Variants in KAT6B observed in about 807,000 individuals in gnomAD.
KAT6B encodes histone acetyltransferase KAT6B.
In KAT6B, 10 loss-of-function variants were observed where a neutral mutation model predicts 187.5. The observed-to-expected ratio is 0.05, with a 90% CI of 0.03 to 0.09. The LOEUF is 0.09. Ranked by LOEUF, KAT6B falls within the 10% of genes least tolerant of loss-of-function variation. KAT6B has a pLI of 1.00. For missense variants in KAT6B, 1,952 were observed against 2,558.9 expected (o/e 0.76, Z 5.12); for synonymous variants, 861 against 926.8 (o/e 0.93, Z 1.29).
At chr10:74,949,284 A>G (rs1840153892) in intron 3 of KAT6B, among the ~76,000 whole-genome samples, 1 of 152,186 alleles carries the variant, frequency 6.6e-6, no homozygotes, top group Non-Finnish European at 1.5e-5. Context: ...TGCAGTTTCT[A>G]ATGGCAGAAG....
chr10:74,912,375 G>GGATAGCTA (rs1554825629), intron 3 of KAT6B, among the ~76,000 whole-genome samples: 3 of 145,526 alleles, frequency 2.1e-5, no homozygotes, highest in Non-Finnish European at 4.5e-5. Flanking sequence ...ATGGATGGAT[G>GGATAGCTA]GATAGATAGA....
chr10:74,957,551 C>T (rs1043527946), intron 3 of KAT6B, among the ~76,000 whole-genome samples: 2 of 152,140 alleles, frequency 1.3e-5, no homozygotes, highest in African/African-American at 4.8e-5. Flanking sequence ...TCTCTCACAG[C>T]TAAAAATTCA....
At chr10:74,872,976 C>T (rs970086423) in intron 3 of KAT6B, among the ~76,000 whole-genome samples, 5 of 152,086 alleles carry the variant, frequency 3.3e-5, no homozygotes, top group Admixed American at 1.3e-4. Flanking sequence ...TGTCCTAAGT[C>T]TGATAATACA....
chr10:74,969,473 G>C (rs1289191418), intron 4 of KAT6B, among the ~76,000 whole-genome samples, 187 bp from the exon 5 acceptor site: 1 of 152,176 alleles, frequency 6.6e-6, no homozygotes, highest in Admixed American at 6.5e-5. Flanking sequence ...TACATACAGG[G>C]AAAGAAGGCA....
chr10:74,864,561 A>T (rs1012754932), intron 3 of KAT6B, among the ~76,000 whole-genome samples: 2 of 151,910 alleles, frequency 1.3e-5, no homozygotes, highest in African/African-American at 4.8e-5. Flanking sequence ...ATATATTTGG[A>T]GACAGGGTCT....
chr10:74,914,484 C>G (rs1199659734), intron 3 of KAT6B, among the ~76,000 whole-genome samples: 2 of 152,086 alleles, frequency 1.3e-5, no homozygotes, highest in African/African-American at 4.8e-5. Flanking sequence ...CGATGTTTAT[C>G]ACATTTAATT....
chr10:75,007,157 C>A (rs917783982), intron 13 of KAT6B, among the ~76,000 whole-genome samples: 1 of 151,656 alleles, frequency 6.6e-6, no homozygotes, highest in African/African-American at 2.4e-5. Context: ...TGGATCTAGA[C>A]AATGAACAAC....
In KAT6B at chr10:74,862,489, T is replaced by C. The variant is rs147853873; in HGVS notation, c.621+19011T>C. Among the ~76,000 whole-genome samples, 788 of 152,236 alleles carry C rather than the reference T, an allele frequency of 5.2e-3. 4 individuals carry two copies. Among genetic ancestry groups the C allele is most frequent in the Middle Eastern group, 0.014 (4 of 294 alleles). On this transcript the variant is annotated intron_variant, in intron 3 of 17. Transcript: ENST00000287239. ...CCTCCATGCTGCTTAAATAAAAATGTTGGAGTGGGAGTCAGGCATTAGAAC... is the reference window on the plus strand; with the variant it reads ...CCTCCATGCTGCTTAAATAAAAATGCTGGAGTGGGAGTCAGGCATTAGAAC...
At chr10:75,014,040 A>T (rs533458099) in intron 13 of KAT6B, among the ~76,000 whole-genome samples, 1 of 152,366 alleles carries the variant, frequency 6.6e-6, no homozygotes, top group East Asian at 1.9e-4. Flanking sequence ...CAGGGAGTCT[A>T]CAAGGTCATA....
Position 75,021,111 on chromosome 10 carries a change from C to T in KAT6B, c.2862-15C>T. The T allele has an allele frequency of 6.2e-7, 1 of 1,612,634 alleles. No homozygotes were observed. Among genetic ancestry groups the T allele is most frequent in the Middle Eastern group, 1.7e-4 (1 of 6,058 alleles). On this transcript the variant is annotated splice_polypyrimidine_tract_variant and intron_variant, in intron 14 of 17. Coordinates refer to ENST00000287239, the MANE Select transcript of KAT6B (RefSeq NM_012330.4). ...AGCTTGTGATTACATCTTGTTCTGC[C>T]TTATCACATTACAGATTTGTCATCA...
intron 3 of KAT6B, among the ~76,000 whole-genome samples, chr10:74,927,765 T>C (rs1848607281): frequency 6.6e-6 from 1 of 152,120 alleles, no homozygotes; most frequent in Non-Finnish European, 1.5e-5. Flanking sequence ...AAACTGGCAA[T>C]TTCCTCAGTG....
At chr10:74,841,364 GAGACC>G (rs887559577) in intron 2 of KAT6B, among the ~76,000 whole-genome samples, 4 of 152,236 alleles carry the variant, frequency 2.6e-5, no homozygotes, top group African/African-American at 9.6e-5. Context: ...TCAGGAGTTT[GAGACC>G]AGCCTGGCCA....
intron 3 of KAT6B, among the ~76,000 whole-genome samples, chr10:74,863,291 CTGT>C (rs1409866813): frequency 5.3e-5 from 8 of 152,200 alleles, no homozygotes; most frequent in African/African-American, 1.4e-4. Flanking sequence ...AATTTAAAAT[CTGT>C]TGTGAGCCTT....
rs748567200 is a variant in KAT6B, at chr10:74,994,406, A to T, written c.2629+5294A>T. Among the ~76,000 whole-genome samples, 56 of 152,104 alleles carry T rather than the reference A, an allele frequency of 3.7e-4. 1 individual carries two copies. The highest frequency in any genetic ancestry group is 6.8e-3 in the Middle Eastern group (2 of 294). ...TGCCACAGCATGATGTTCCAGGTTT[A>T]GCTTATCCTTTTCTTAAGCCAGCCC... On this transcript the variant is annotated intron_variant, in intron 13 of 17. Transcript: ENST00000287239.
chr10:74,976,855 C>T lies in KAT6B; in HGVS notation c.1994-461C>T, dbSNP rs147024706. 831 of 272,166 alleles carry T rather than the reference C, an allele frequency of 3.1e-3. 4 individuals carry two copies. The highest frequency in any genetic ancestry group is 4.3e-3 in the Non-Finnish European group (606 of 141,340). 16.9% of individuals were successfully genotyped at this position (272,166 alleles called of 1,614,324 possible). ...GATGTGAGTGTGTCTGTGTGTGTAT[C>T]CACCTTAGGGAGAAAACGGATTTCA... On this transcript the variant is annotated intron_variant, in intron 8 of 17. Transcript: ENST00000287239.
chr10:74,897,048 A>G (rs1291681393), intron 3 of KAT6B, among the ~76,000 whole-genome samples: 2 of 152,174 alleles, frequency 1.3e-5, no homozygotes, highest in East Asian at 1.9e-4. Context: ...ACTTGATTAT[A>G]TTGTTCAAGT....
At chr10:74,889,948 C>A (rs1214608984) in intron 3 of KAT6B, among the ~76,000 whole-genome samples, 1 of 152,074 alleles carries the variant, frequency 6.6e-6, no homozygotes, top group African/African-American at 2.4e-5. Context: ...TAGCTCATTG[C>A]CAGGACTGTG....
intron 10 of KAT6B, among the ~76,000 whole-genome samples, chr10:74,981,332 TTCC>T (rs1443831277): frequency 2.0e-5 from 3 of 150,278 alleles, no homozygotes; most frequent in African/African-American, 5.0e-5. Context: ...CCTTCCTTCC[TTCC>T]TTCCTTTCTT....
chr10:74,911,418 C>A (rs1317211682), intron 3 of KAT6B, among the ~76,000 whole-genome samples: 1 of 152,060 alleles, frequency 6.6e-6, no homozygotes, highest in Non-Finnish European at 1.5e-5. Context: ...AGTTGCCCAC[C>A]ACCATGCCTG....
Sources: gnomAD v4.1 joint callset for allele counts (sites outside exome capture counted in the v4.1 genomes callset) on GRCh38, gnomAD v4.1.1 for gene constraint, MANE v1.5 for transcripts, NCBI Gene and HGNC (gene_info 2026-07-23, HGNC 2026-07-21) for gene names.